The following PTH2R variants were observed in gnomAD, a reference collection of about 807,000 sequenced individuals.
PTH2R encodes parathyroid hormone 2 receptor, also known as PTH2 receptor.
A neutral mutation model predicts 60.3 loss-of-function variants in PTH2R; 59 were observed. The ratio of observed to expected loss-of-function variants is 0.98; its 90% confidence interval spans 0.79 to 1.22. The LOEUF is 1.22. PTH2R is among the 50% of genes most tolerant of loss of function. PTH2R has a pLI of 0.00. For missense variants in PTH2R, 749 were observed against 682.6 expected (o/e 1.10, Z -1.08); for synonymous variants, 256 against 243.8 (o/e 1.05, Z -0.47).
At chr2:208,417,793 A>G (rs1235166766) in intron 1 of PTH2R, among the ~76,000 whole-genome samples, 2 of 152,090 alleles carry the variant, frequency 1.3e-5, no homozygotes, top group Non-Finnish European at 2.9e-5. Context: ...AGCTACATAG[A>G]AAATCCAGGA....
Position 208,489,821 on chromosome 2 carries a change from A to G in PTH2R, c.1215+671A>G, listed in dbSNP as rs1028553795. Among the ~76,000 whole-genome samples the G allele has an allele frequency of 9.9e-5, 15 of 152,250 alleles. 1 individual carries two copies. The South Asian group carries it at 2.3e-3, about 23-fold the overall frequency. ...CCCTGTATCACACCAGCCTCCATGT[A>G]GCTCATTAAGTTAGGGCACAATATT... On this transcript the variant is annotated intron_variant, in intron 11 of 12. Coordinates refer to ENST00000272847, the MANE Select transcript of PTH2R (RefSeq NM_005048.4).
chr2:208,417,595 C>T (rs1361577138), intron 1 of PTH2R, among the ~76,000 whole-genome samples: 3 of 136,338 alleles, frequency 2.2e-5, no homozygotes, highest in African/African-American at 7.9e-5. Context: ...CCCTCTCGCC[C>T]AGGCTGGAGT....
At chr2:208,421,741 C>T (rs759378958) in intron 1 of PTH2R, among the ~76,000 whole-genome samples, 1 of 152,102 alleles carries the variant, frequency 6.6e-6, no homozygotes, top group Non-Finnish European at 1.5e-5. Context: ...ATTATAAGTT[C>T]ATGTGAACTT....
At chr2:208,362,062 AC>A (rs1306116067) in intron 1 of PTH2R, among the ~76,000 whole-genome samples, 1 of 152,186 alleles carries the variant, frequency 6.6e-6, no homozygotes, top group Non-Finnish European at 1.5e-5. Context: ...TTATCTCCCC[AC>A]CACCCCTGTG....
upstream of PTH2R, among the ~76,000 whole-genome samples, chr2:208,404,286 G>A (rs55887549): frequency 0.022 from 3,282 of 151,614 alleles, 116 homozygotes; most frequent in African/African-American, 0.076. Context: ...AAATGGCATG[G>A]TACCAAGCAC....
chr2:208,478,354 T>C (rs1020901168), intron 9 of PTH2R, among the ~76,000 whole-genome samples: 1 of 152,158 alleles, frequency 6.6e-6, no homozygotes, highest in Non-Finnish European at 1.5e-5. Context: ...GCCTTCCTTC[T>C]GGAGGTGCTG....
chr2:208,385,789 A>G (rs1000067888), intron 1 of PTH2R, among the ~76,000 whole-genome samples: 8 of 152,266 alleles, frequency 5.3e-5, no homozygotes, highest in African/African-American at 1.9e-4. Context: ...TAGACACAGA[A>G]TAAAACACAG....
chr2:208,471,141 CAG>C (rs1312429044), intron 9 of PTH2R, among the ~76,000 whole-genome samples: 6 of 152,080 alleles, frequency 3.9e-5, no homozygotes, highest in African/African-American at 7.2e-5. Context: ...AAAAGGGAAA[CAG>C]AGCATAAAAG....
chr2:208,386,219 C>T (rs181207026), intron 1 of PTH2R, among the ~76,000 whole-genome samples: 1 of 152,328 alleles, frequency 6.6e-6, no homozygotes, highest in Admixed American at 6.5e-5. Flanking sequence ...TCTGAGGAGA[C>T]ATCTCACATA....
At chr2:208,428,979 G>C (rs922845884) in intron 2 of PTH2R, among the ~76,000 whole-genome samples, 2 of 151,918 alleles carry the variant, frequency 1.3e-5, no homozygotes, top group African/African-American at 4.8e-5. Context: ...CAGCTACTCA[G>C]GAGGCTGAGG....
chr2:208,456,028 C>T (rs1574889677), intron 8 of PTH2R, among the ~76,000 whole-genome samples: 1 of 152,078 alleles, frequency 6.6e-6, no homozygotes, highest in African/African-American at 2.4e-5. Context: ...CCCTTGAGGC[C>T]AGGGGTTCAA....
At chr2:208,477,018 A>G (rs1703019868) in intron 9 of PTH2R, among the ~76,000 whole-genome samples, 1 of 152,192 alleles carries the variant, frequency 6.6e-6, no homozygotes, top group Admixed American at 6.5e-5. Flanking sequence ...CCTAGAAGTG[A>G]AAATTCTACA....
intron 1 of PTH2R, among the ~76,000 whole-genome samples, chr2:208,367,432 T>TA (rs1466309672): frequency 6.7e-6 from 1 of 149,408 alleles, no homozygotes; most frequent in Non-Finnish European, 1.5e-5. Flanking sequence ...TTCTTTTTTT[T>TA]TTTTTTTTTT....
chr2:208,432,121 A>G (rs959260496), intron 2 of PTH2R, among the ~76,000 whole-genome samples: 4 of 152,246 alleles, frequency 2.6e-5, no homozygotes, highest in South Asian at 2.1e-4. Context: ...AAGCATTATT[A>G]TCTGTGATGG....
chr2:208,412,329 G>A (rs954847010), intron 1 of PTH2R, among the ~76,000 whole-genome samples: 1 of 152,234 alleles, frequency 6.6e-6, no homozygotes, highest in African/African-American at 2.4e-5. Flanking sequence ...CCTAGAGGGA[G>A]TGACACTAGT....
In PTH2R at chr2:208,493,854, T is replaced by C. The variant is rs185365034; in HGVS notation, c.*195T>C. 1 of 471,264 alleles carries C rather than the reference T, an allele frequency of 2.1e-6. No homozygotes were observed. Among genetic ancestry groups the C allele is most frequent in the Admixed American group, 3.9e-5 (1 of 25,472 alleles). 29.2% of individuals were successfully genotyped at this position (471,264 alleles called of 1,614,324 possible). A position where few individuals can be genotyped will look rare whatever the true frequency, so the allele number is the denominator to read the frequency against. Reference sequence around the variant, plus strand: ...AAATGCAAGTGTCAATGGAGTAGTTTATTACCTTCTATTGGCATCAAGTTT... The same window carrying C: ...AAATGCAAGTGTCAATGGAGTAGTTCATTACCTTCTATTGGCATCAAGTTT... On this transcript the variant is annotated 3_prime_UTR_variant, in exon 13 of 13. Transcript: ENST00000272847.
Position 208,441,717 on chromosome 2 carries a change from G to A in PTH2R, c.412-647G>A, listed in dbSNP as rs926697405. 5.9e-5 allele frequency among the ~76,000 whole-genome samples: 9 copies of A among 152,258 alleles called. 2 individuals are homozygous for A. On this transcript the variant is annotated intron_variant, in intron 4 of 12. Coordinates refer to ENST00000272847, the MANE Select transcript of PTH2R (RefSeq NM_005048.4). Reference sequence around the variant, plus strand: ...GACAGAACAAGGAGAACTTTGTGTTGGTGAAATAGTTCTGTACTTGATTAC... The same window carrying A: ...GACAGAACAAGGAGAACTTTGTGTTAGTGAAATAGTTCTGTACTTGATTAC...
At chr2:208,371,547 G>T (rs945459384) in intron 1 of PTH2R, among the ~76,000 whole-genome samples, 4 of 152,020 alleles carry the variant, frequency 2.6e-5, no homozygotes, top group Admixed American at 2.6e-4. Context: ...CAACTAATTC[G>T]CAGGCCCTAG....
upstream of PTH2R, among the ~76,000 whole-genome samples, chr2:208,404,719 C>T (rs2105827565): frequency 6.6e-6 from 1 of 152,226 alleles, no homozygotes; most frequent in African/African-American, 2.4e-5. Flanking sequence ...GACAAAAACC[C>T]TCGCCTTGGG....
Sources: gnomAD v4.1 joint callset for allele counts (sites outside exome capture counted in the v4.1 genomes callset) on GRCh38, gnomAD v4.1.1 for gene constraint, MANE v1.5 for transcripts, NCBI Gene and HGNC (gene_info 2026-07-23, HGNC 2026-07-21) for gene names.